The following CRPPA variants were observed in gnomAD, a reference collection of about 807,000 sequenced individuals.
CRPPA encodes CDP-L-ribitol pyrophosphorylase A.
In CRPPA, 43 loss-of-function variants were observed where a neutral mutation model predicts 52.0. The ratio of observed to expected loss-of-function variants is 0.83; its 90% CI spans 0.65 to 1.07. CRPPA has a LOEUF of 1.07. Among genes scored for constraint, CRPPA ranks in the 50% least tolerant of loss-of-function variants. CRPPA has a pLI of 0.00. For synonymous variants in CRPPA, 250 were observed against 203.5 expected, an observed-to-expected ratio of 1.23 and a Z score of -1.94; for missense variants, 629 against 551.7, an observed-to-expected ratio of 1.14 and a Z score of -1.40.
chr7:16,160,676 C>T (rs552311002), intron 9 of CRPPA, among the ~76,000 whole-genome samples: 7 of 152,104 alleles, frequency 4.6e-5, no homozygotes, highest in South Asian at 4.2e-4. Context: ...TGAAATTTTA[C>T]GTAGTTTTGT....
chr7:16,094,823 A>G (rs976369345), intron 9 of CRPPA, among the ~76,000 whole-genome samples: 1 of 152,138 alleles, frequency 6.6e-6, no homozygotes, highest in African/African-American at 2.4e-5. Flanking sequence ...ACATTCTACA[A>G]TATACCTGAC....
chr7:16,216,234 C>A, intron 8 of CRPPA, 37 bp from the exon 9 acceptor site: 7 of 1,373,828 alleles, frequency 5.1e-6, no homozygotes, highest in South Asian at 1.3e-5. Context: ...GAATATCATT[C>A]CCTTCAACTT....
chr7:16,318,538 T>A (rs1785194577), intron 3 of CRPPA, among the ~76,000 whole-genome samples: 1 of 152,122 alleles, frequency 6.6e-6, no homozygotes, highest in African/African-American at 2.4e-5. Flanking sequence ...CAGTGGCATG[T>A]AGCAATAAAT....
intron 1 of CRPPA, among the ~76,000 whole-genome samples, chr7:16,410,282 T>C (rs748531425): frequency 4.6e-5 from 7 of 152,208 alleles, no homozygotes; most frequent in Non-Finnish European, 7.3e-5. Flanking sequence ...GTACAGGCAA[T>C]GAAAGTGATT....
intron 9 of CRPPA, among the ~76,000 whole-genome samples, chr7:16,194,408 C>T (rs1244337162): frequency 2.0e-5 from 3 of 152,076 alleles, no homozygotes; most frequent in African/African-American, 7.2e-5. Context: ...TTTCATACTC[C>T]CTTACTTAAT....
chr7:16,332,415 T>A (rs998937107), intron 3 of CRPPA, among the ~76,000 whole-genome samples: 1 of 152,184 alleles, frequency 6.6e-6, no homozygotes, highest in African/African-American at 2.4e-5. Flanking sequence ...TAAGAAAGTT[T>A]GTTCAAAATA....
intron 2 of CRPPA, among the ~76,000 whole-genome samples, chr7:16,396,599 T>C (rs1787577966): frequency 6.6e-6 from 1 of 152,208 alleles, no homozygotes; most frequent in Non-Finnish European, 1.5e-5. Context: ...AAAGAAGTCA[T>C]TGTACGAAAA....
Position 16,300,952 on chromosome 7 carries a change from G to A in CRPPA, c.835+469C>T, listed in dbSNP as rs562971760. Among the ~76,000 whole-genome samples the A allele has an allele frequency of 9.9e-5, 15 of 152,266 alleles. No homozygotes were observed. In the East Asian group the frequency reaches 2.5e-3, roughly 25 times the overall value. On this transcript the variant is annotated intron_variant, in intron 5 of 9. Transcript: ENST00000407010. ...TGATATCTACAATTACAAAATTGCA[G>A]TCATTGTCAGAACCCAAAAGAAATT...
chr7:16,383,071 C>A (rs1437933988), intron 2 of CRPPA, among the ~76,000 whole-genome samples: 3 of 152,182 alleles, frequency 2.0e-5, no homozygotes, highest in African/African-American at 7.2e-5. Context: ...AAGTGCTCTG[C>A]TTTTTAGAGT....
intron 9 of CRPPA, among the ~76,000 whole-genome samples, chr7:16,137,523 T>G (rs987517096): frequency 6.6e-6 from 1 of 152,180 alleles, no homozygotes; most frequent in Non-Finnish European, 1.5e-5. Flanking sequence ...TTAAAAATGA[T>G]AATAGCAACA....
In CRPPA at chr7:16,248,763, G is replaced by A. The variant is rs117490253; in HGVS notation, c.1119+9627C>T. Among the ~76,000 whole-genome samples the A allele has an allele frequency of 8.9e-3, 1,348 of 152,222 alleles. 13 individuals are homozygous for A. The highest frequency in any genetic ancestry group is 0.011 in the Non-Finnish European group (726 of 68,014). ...GCGAGCTGAAGAAGGGTGGGGCGTC[G>A]CCTCACCTGGGAAGTGCAAGGGGTC... is the stretch of plus-strand genomic sequence containing the variant. On this transcript the variant is annotated intron_variant, in intron 8 of 9. Transcript: ENST00000407010.
intron 3 of CRPPA, among the ~76,000 whole-genome samples, chr7:16,375,675 T>C (rs1202587126): frequency 3.9e-5 from 6 of 152,140 alleles, no homozygotes; most frequent in Admixed American, 1.3e-4. Flanking sequence ...CAATATGATT[T>C]ATGCTGAACA....
chr7:16,154,831 A>C (rs1783142988), intron 9 of CRPPA, among the ~76,000 whole-genome samples: 1 of 150,142 alleles, frequency 6.7e-6, no homozygotes, highest in Non-Finnish European at 1.5e-5. Flanking sequence ...TTTTTAAGAC[A>C]GAATCTCACT....
intron 9 of CRPPA, among the ~76,000 whole-genome samples, chr7:16,157,302 G>C (rs555347331): frequency 6.6e-6 from 1 of 152,012 alleles, no homozygotes; most frequent in East Asian, 1.9e-4. Context: ...AAAGTACCTG[G>C]AAGGACATCT....
intron 9 of CRPPA, among the ~76,000 whole-genome samples, chr7:16,192,468 G>A (rs976372354): frequency 2.0e-5 from 3 of 152,082 alleles, no homozygotes; most frequent in African/African-American, 7.2e-5. Flanking sequence ...CATTTCAAGT[G>A]TAAAGCTTAA....
At position 16,376,202 on chromosome 7, in the gene CRPPA, T is replaced by G; in HGVS notation, c.574A>C (p.Ser192Arg). 1 of 1,613,000 alleles carries G rather than the reference T, an allele frequency of 6.2e-7. No individual in the cohort carries two copies. Among genetic ancestry groups the G allele is most frequent in the Non-Finnish European group, 8.5e-7 (1 of 1,179,446 alleles). The change falls in exon 3 of 10, where the codon AGT becomes CGT. Residue 192 changes from serine (S) to arginine (R), a missense_variant. Physicochemically the swap from Ser to Arg is moderately radical, Grantham distance 110 (BLOSUM62 -1). Coordinates refer to ENST00000407010, the MANE Select transcript of CRPPA (RefSeq NM_001101426.4). ...AIRPLVSTVV[S>R]PSADGCLDYS... ...TCTAAGCAACCATCAGCAGATGGACTGACGACAGTAGATACAAGAGGTCGA... is the reference window on the plus strand; with the variant it reads ...TCTAAGCAACCATCAGCAGATGGACGGACGACAGTAGATACAAGAGGTCGA...
At chr7:16,188,042 ATTTTTTTTTT>A (rs34518390) in intron 9 of CRPPA, among the ~76,000 whole-genome samples, 1 of 115,522 alleles carries the variant, frequency 8.7e-6, no homozygotes, top group Non-Finnish European at 1.8e-5. Flanking sequence ...ATTTGGGTGA[ATTTTTTTTTT>A]TTTTTTTTTT....
At chr7:16,136,913 T>C (rs1449403947) in intron 9 of CRPPA, among the ~76,000 whole-genome samples, 1 of 152,220 alleles carries the variant, frequency 6.6e-6, no homozygotes, top group Non-Finnish European at 1.5e-5. Flanking sequence ...AGCTCTATAA[T>C]GTGGGCCAAG....
At chr7:16,294,834 C>G (rs182482299) in intron 5 of CRPPA, among the ~76,000 whole-genome samples, 1 of 151,932 alleles carries the variant, frequency 6.6e-6, no homozygotes, top group Non-Finnish European at 1.5e-5. Context: ...ACCACAGATG[C>G]GGAATGTTGT....
Sources: allele counts gnomAD v4.1 joint callset (sites outside exome capture counted in the v4.1 genomes callset), GRCh38; gene constraint gnomAD v4.1.1; transcripts MANE v1.5; gene names NCBI Gene and HGNC (gene_info 2026-07-23, HGNC 2026-07-21).